KDM3B: variants seen among roughly 807,000 people sequenced by gnomAD.
KDM3B encodes lysine-specific demethylase 3B.
KDM3B carries 10 observed loss-of-function variants against 170.0 expected under a neutral mutation model. That is an observed-to-expected ratio of 0.06 (90% confidence interval 0.04 to 0.10). The LOEUF is 0.10. KDM3B is among the 10% of genes least tolerant of loss of function. The pLI is 1.00. For missense variants in KDM3B, 1,394 were observed against 2,195.2 expected, an observed-to-expected ratio of 0.64 and a Z score of 7.29; for synonymous variants, 831 against 834.8, an observed-to-expected ratio of 1.00 and a Z score of 0.08.
At chr5:138,385,964 G>T (rs1195647824) in intron 6 of KDM3B, 58 bp from the exon 7 acceptor site, 1 of 1,534,850 alleles carries the variant, frequency 6.5e-7, no homozygotes, top group East Asian at 2.3e-5. Context: ...AGCTAATGGT[G>T]TGTGGTATTC....
intron 11 of KDM3B, among the ~76,000 whole-genome samples, chr5:138,412,462 T>C (rs1762996306): frequency 2.0e-5 from 3 of 152,046 alleles, no homozygotes. Flanking sequence ...AAGACCAGCC[T>C]AGGCAACACG....
intron 19 of KDM3B, 57 bp from the exon 20 acceptor site, chr5:138,427,910 A>G: frequency 6.4e-7 from 1 of 1,551,220 alleles, no homozygotes; most frequent in Non-Finnish European, 8.8e-7. Flanking sequence ...TGTAGTGTCG[A>G]CGTGGATTCT....
chr5:138,431,466 T>C lies in KDM3B; in HGVS notation c.5112T>C (p.Phe1704=). ...GTTGCATAAAAGTAGCAGAAGACTT[T>C]GTATCTCCAGAACATGTAAAGCACT... The part of the protein sequence containing the change: ...LYSCIKVAED[F]VSPEHVKHCF... Residue 1704 remains phenylalanine (F), a synonymous_variant, in exon 23 of 24, where the codon TTT becomes TTC. Transcript: ENST00000314358. 6.2e-7 allele frequency: 1 copy of C among 1,612,100 alleles called. No individual in the cohort carries two copies. Among genetic ancestry groups the C allele is most frequent in the Non-Finnish European group, 8.5e-7 (1 of 1,179,226 alleles).
chr5:138,401,171 T>G (rs1762684024), intron 11 of KDM3B, among the ~76,000 whole-genome samples: 1 of 150,818 alleles, frequency 6.6e-6, no homozygotes, highest in Non-Finnish European at 1.5e-5. Flanking sequence ...CTCAAGAGGC[T>G]GAGGCAGGAG....
At chr5:138,360,011 C>A (rs1011427668) in intron 1 of KDM3B, among the ~76,000 whole-genome samples, 5 of 152,142 alleles carry the variant, frequency 3.3e-5, no homozygotes, top group African/African-American at 1.2e-4. Flanking sequence ...TTACACCTCC[C>A]CACCGAACCT....
At chr5:138,357,598 A>G (rs910755241) in intron 1 of KDM3B, among the ~76,000 whole-genome samples, 1 of 151,978 alleles carries the variant, frequency 6.6e-6, no homozygotes, top group Non-Finnish European at 1.5e-5. Context: ...CCAGTCAAGC[A>G]ATCTGCCTGA....
chr5:138,433,102 C>T (rs1490137358), intron 23 of KDM3B, among the ~76,000 whole-genome samples: 2 of 149,386 alleles, frequency 1.3e-5, no homozygotes, highest in Non-Finnish European at 3.0e-5. Context: ...GAGTCTGATG[C>T]ACTTTTCCTT....
chr5:138,386,249 T>A lies in KDM3B; in HGVS notation c.1008T>A (p.Asp336Glu). ...ATGCCAGTGGAGAGCCAGGGCTGGA[T>A]CAGAGAGCCAAGCAGCCACCGTCTA... ...GGNASGEPGL[D>E]QRAKQPPSTF... The change falls in exon 7 of 24, where the codon GAT becomes GAA. Residue 336 changes from aspartate (D) to glutamate (E), a missense_variant. By Grantham distance (45) the Asp-to-Glu change is conservative (BLOSUM62 2). Coordinates refer to ENST00000314358, the MANE Select transcript of KDM3B (RefSeq NM_016604.4). 1 of 1,614,046 alleles carries A rather than the reference T, an allele frequency of 6.2e-7. No individual in the cohort carries two copies. Among genetic ancestry groups the A allele is most frequent in the Non-Finnish European group, 8.5e-7 (1 of 1,180,026 alleles).
chr5:138,398,488 A>G (rs1023639719), intron 10 of KDM3B, 96 bp downstream of exon 10: 2 of 1,032,056 alleles, frequency 1.9e-6, no homozygotes, highest in Non-Finnish European at 2.9e-6. Context: ...GGCAGATGGC[A>G]TTTTCTGTGA....
chr5:138,360,388 T>C (rs1761565067), intron 1 of KDM3B, among the ~76,000 whole-genome samples: 1 of 152,140 alleles, frequency 6.6e-6, no homozygotes, highest in African/African-American at 2.4e-5. Flanking sequence ...TACTGTTTAA[T>C]TGTGAGCCCG....
At position 138,390,428 on chromosome 5, in the gene KDM3B, T is replaced by A. The variant is rs190528839; in HGVS notation, c.1381-585T>A. 9.2e-5 allele frequency among the ~76,000 whole-genome samples: 14 copies of A among 152,316 alleles called. No individual in the cohort carries two copies. In the East Asian group the frequency reaches 2.5e-3, roughly 27 times the overall value. On this transcript the variant is annotated intron_variant, in intron 7 of 23. Transcript: ENST00000314358. The stretch of plus-strand genomic sequence containing the variant: ...CAACTTGTAGGTTGACTTGAACCCA[T>A]AAATAGATGCCGAAATCCAAAAGGG...
intron 7 of KDM3B, among the ~76,000 whole-genome samples, chr5:138,389,778 CTCTCTGTG>C (rs1468857478): frequency 6.7e-5 from 8 of 120,070 alleles, no homozygotes; most frequent in Non-Finnish European, 8.4e-5. Context: ...CTCTCTCTCT[CTCTCTGTG>C]TGTGTGTGTG....
In KDM3B at chr5:138,424,269, G is replaced by A. The variant is rs374865340; in HGVS notation, c.4167G>A (p.Arg1389=). The A allele has an allele frequency of 5.6e-6, 9 of 1,613,976 alleles. No individual in the cohort carries two copies. In the African/African-American group the frequency reaches 1.1e-4, roughly 19 times the overall value. Residue 1389 remains arginine (R), a synonymous_variant, in exon 16 of 24, where the codon AGG becomes AGA. Coordinates refer to ENST00000314358, the MANE Select transcript of KDM3B (RefSeq NM_016604.4). ...HTSHSWLCDG[R]LLCLHDPSNK... ...CTCACTCCTGGCTTTGTGATGGGAG[G>A]CTTCTGTGTCTCCATGACCCCAGCA...
intron 4 of KDM3B, among the ~76,000 whole-genome samples, chr5:138,379,372 A>G (rs571067132): frequency 6.6e-6 from 1 of 152,286 alleles, no homozygotes; most frequent in African/African-American, 2.4e-5. Context: ...AAATAAATGA[A>G]GAATTTACAA....
intron 17 of KDM3B, chr5:138,425,983 G>A (rs1354379023): frequency 6.3e-6 from 1 of 158,628 alleles, no homozygotes; most frequent in Non-Finnish European, 1.4e-5. Context: ...TCCAGCCTCG[G>A]TGATGGAGTG....
rs1726635492 is a variant in KDM3B at position 138,436,468 on chromosome 5, A to G, written c.*768A>G. ...TATGATTTTTAGAAATCAGCTACCC[A>G]TTATAGCACAAAATCAGCCAAAGCA... is the stretch of plus-strand genomic sequence containing the variant. On this transcript the variant is annotated 3_prime_UTR_variant, in exon 24 of 24. Coordinates refer to ENST00000314358, the MANE Select transcript of KDM3B (RefSeq NM_016604.4). 1 of 152,222 alleles carries G rather than the reference A, an allele frequency of 6.6e-6. No homozygotes were observed. Among genetic ancestry groups the G allele is most frequent in the African/African-American group, 2.4e-5 (1 of 41,450 alleles). 9.4% of individuals were successfully genotyped at this position (152,222 alleles called of 1,614,324 possible).
chr5:138,385,779 T>C (rs1270390262), intron 6 of KDM3B, among the ~76,000 whole-genome samples: 1 of 152,258 alleles, frequency 6.6e-6, no homozygotes, highest in Non-Finnish European at 1.5e-5. Flanking sequence ...AGTGTAATGT[T>C]TTATTTAAGA....
chr5:138,383,275 A>G (rs929138909), intron 6 of KDM3B, among the ~76,000 whole-genome samples: 1 of 151,680 alleles, frequency 6.6e-6, no homozygotes, highest in Non-Finnish European at 1.5e-5. Context: ...AGTAGCTGGG[A>G]CTACAGGCGC....
chr5:138,426,290 C>G (rs955675650), intron 17 of KDM3B, among the ~76,000 whole-genome samples: 5 of 152,036 alleles, frequency 3.3e-5, no homozygotes, highest in African/African-American at 9.7e-5. Flanking sequence ...GTTAATCTCC[C>G]AGGGCCAGGC....
Sources: gnomAD v4.1 joint callset for allele counts (sites outside exome capture counted in the v4.1 genomes callset) on GRCh38, gnomAD v4.1.1 for gene constraint, MANE v1.5 for transcripts, NCBI Gene and HGNC (gene_info 2026-07-23, HGNC 2026-07-21) for gene names.